QTGAL: variants seen among roughly 807,000 people sequenced by gnomAD.
QTGAL encodes the protein BGnT-like protein 1.
At chr17:83,010,572 A>G in the QTGAL span, among the ~76,000 whole-genome samples, 1 of 152,178 alleles carries the variant, frequency 6.6e-6, no homozygotes, top group African/African-American at 2.4e-5. Context: ...CCCAGGCTGC[A>G]TGTGCAGAGG....
At chr17:82,997,920 T>TAAAA in the QTGAL span, among the ~76,000 whole-genome samples, 117 of 137,600 alleles carry the variant, frequency 8.5e-4, 2 homozygotes, top group East Asian at 6.4e-3. Flanking sequence ...TTAATGGGTT[T>TAAAA]AAAAAAAAAA....
At chr17:82,999,869 G>C in the QTGAL span, among the ~76,000 whole-genome samples, 2 of 152,172 alleles carry the variant, frequency 1.3e-5, no homozygotes, top group Admixed American at 6.5e-5. Context: ...ATGGGTCCTA[G>C]GGTGTCACTC....
At chr17:83,009,016 C>T in the QTGAL span, among the ~76,000 whole-genome samples, 1 of 152,174 alleles carries the variant, frequency 6.6e-6, no homozygotes, top group Admixed American at 6.5e-5. Context: ...CTCACACCCC[C>T]AGGTGAACCC....
At chr17:82,955,915 G>GC in the QTGAL span, among the ~76,000 whole-genome samples, 1 of 151,090 alleles carries the variant, frequency 6.6e-6, no homozygotes, top group Non-Finnish European at 1.5e-5. Context: ...ACCAAACACC[G>GC]CATGTTCTCA....
chr17:82,958,956 A>ATGG, the QTGAL span, among the ~76,000 whole-genome samples: 7 of 50,018 alleles, frequency 1.4e-4, no homozygotes, highest in African/African-American at 3.2e-4. Flanking sequence ...GTGGGGGTGT[A>ATGG]TGTGTGTGTG....
At chr17:82,989,173 G>C in the QTGAL span, among the ~76,000 whole-genome samples, 1 of 152,186 alleles carries the variant, frequency 6.6e-6, no homozygotes, top group African/African-American at 2.4e-5. Flanking sequence ...TCATAAAAAT[G>C]AATGAGATCA....
chr17:82,978,446 T>C, the QTGAL span: 6 of 152,198 alleles, frequency 3.9e-5, no homozygotes, highest in Non-Finnish European at 8.8e-5. This position sits in a 1 kb window ranked among gnomAD's most constrained non-coding sequence, Gnocchi z 4.8. Context: ...GAAACTAGTG[T>C]CCTGGTGTCT....
the QTGAL span, among the ~76,000 whole-genome samples, chr17:83,043,836 T>G: frequency 6.6e-6 from 1 of 151,784 alleles, no homozygotes; most frequent in Non-Finnish European, 1.5e-5. Context: ...TAACAGAAAC[T>G]AAAAGGATTA....
the QTGAL span, chr17:82,981,413 A>G: frequency 6.6e-6 from 1 of 152,308 alleles, no homozygotes; most frequent in African/African-American, 2.4e-5. Context: ...TGTGGGGCCA[A>G]CTGTTTAAAG....
the QTGAL span, among the ~76,000 whole-genome samples, chr17:82,972,510 T>TAG: frequency 2.9e-5 from 1 of 34,372 alleles, no homozygotes; most frequent in Admixed American, 3.4e-4. Context: ...CACCACACCA[T>TAG]GGGCCAGAAG....
At chr17:83,007,506 A>G in the QTGAL span, among the ~76,000 whole-genome samples, 33 of 152,028 alleles carry the variant, frequency 2.2e-4, no homozygotes, top group African/African-American at 7.7e-4. Context: ...GAAGACAGAG[A>G]GGCTCAGCAT....
chr17:82,974,785 G>C, the QTGAL span, among the ~76,000 whole-genome samples: 5 of 152,240 alleles, frequency 3.3e-5, no homozygotes, highest in Non-Finnish European at 7.3e-5. Context: ...AACAGCGGCA[G>C]GAGGCACAGG....
chr17:82,984,208 C>CGTG, the QTGAL span, among the ~76,000 whole-genome samples: 2 of 89,850 alleles, frequency 2.2e-5, no homozygotes, highest in East Asian at 3.4e-4. Context: ...GGAGAGGCCA[C>CGTG]ATGAGGACGT....
chr17:82,997,593 A>G, the QTGAL span, among the ~76,000 whole-genome samples: 1 of 152,222 alleles, frequency 6.6e-6, no homozygotes, highest in Admixed American at 6.5e-5. Context: ...TCACGTATTC[A>G]CTGCAGCACT....
chr17:82,977,858 T>A, the QTGAL span, among the ~76,000 whole-genome samples: 1 of 152,072 alleles, frequency 6.6e-6, no homozygotes, highest in Admixed American at 6.5e-5. Context: ...AAACGTACGC[T>A]CTAGTACTTC....
the QTGAL span, among the ~76,000 whole-genome samples, chr17:82,970,755 G>A: frequency 2.6e-5 from 4 of 151,546 alleles, no homozygotes; most frequent in Non-Finnish European, 5.9e-5. Flanking sequence ...CAGGTCCTCC[G>A]TGGGCTGTGA....
chr17:83,036,994 C>T, the QTGAL span, among the ~76,000 whole-genome samples: 2 of 152,098 alleles, frequency 1.3e-5, no homozygotes, highest in Non-Finnish European at 2.9e-5. Flanking sequence ...GCTGAGGAGG[C>T]TCCAAGGGGC....
chr17:82,989,445 T>C, the QTGAL span, among the ~76,000 whole-genome samples: 1,802 of 148,156 alleles, frequency 0.012, 42 homozygotes, highest in African/African-American at 0.043. Flanking sequence ...ATGGCACAGG[T>C]TTGCCTATGT....
At chr17:83,033,675 G>A in the QTGAL span, among the ~76,000 whole-genome samples, 8 of 151,866 alleles carry the variant, frequency 5.3e-5, no homozygotes, top group African/African-American at 1.7e-4. Flanking sequence ...GTTTCACCGT[G>A]TTAGCCAGGA....
Sources: gnomAD v4.1 joint callset for allele counts (sites outside exome capture counted in the v4.1 genomes callset) on GRCh38, gnomAD v4.1.1 for gene constraint, Gnocchi (gnomAD v3.1) non-coding constraint, MANE v1.5 for transcripts, NCBI Gene and HGNC (gene_info 2026-07-23, HGNC 2026-07-21) for gene names.